Variants in NCOR1 observed in about 807,000 individuals in gnomAD.
The protein encoded by NCOR1 is nuclear receptor corepressor 1.
NCOR1 carries 63 observed loss-of-function variants against 288.1 expected under a neutral mutation model. The observed-to-expected ratio is 0.22, with a 90% CI of 0.18 to 0.27. The LOEUF (loss-of-function observed/expected upper bound fraction) is 0.27. Ranked by LOEUF, NCOR1 falls within the 10% of genes least tolerant of loss-of-function variation. The probability of loss-of-function intolerance (pLI) is 1.00; values close to 1 mark genes in which losing one functional copy is unlikely to be tolerated. For synonymous variants in NCOR1, 1,007 were observed against 1,065.9 expected (o/e 0.94, Z 1.08); for missense variants, 2,397 against 3,019.2 (o/e 0.79, Z 4.83).
At chr17:16,068,225 G>A in intron 31 of NCOR1, 104 bp from the exon 32 acceptor site, 1 of 925,886 alleles carries the variant, frequency 1.1e-6, no homozygotes, top group Non-Finnish European at 1.6e-6. Flanking sequence ...TCATGTATTT[G>A]GATCTTCTCT....
In NCOR1 at chr17:16,080,595, T is replaced by G; in HGVS notation, c.3298+12A>C. 2 of 1,614,136 alleles carry G rather than the reference T, an allele frequency of 1.2e-6. No individual in the cohort carries two copies. Among genetic ancestry groups the G allele is most frequent in the Non-Finnish European group, 1.7e-6 (2 of 1,180,000 alleles). ...AAACGTAGATGCATTATGACTGTAT[T>G]AACTCACTGACCTGATTTGGCAGAT... On this transcript the variant is annotated intron_variant, in intron 24 of 45. Transcript: ENST00000268712.
intron 2 of NCOR1, among the ~76,000 whole-genome samples, chr17:16,192,466 T>C (rs1457383207): frequency 6.6e-6 from 1 of 152,110 alleles, no homozygotes; most frequent in Non-Finnish European, 1.5e-5. Flanking sequence ...GACCAGCCTG[T>C]CCAACATGGT....
chr17:16,058,555 T>A lies in NCOR1; in HGVS notation c.5926A>T (p.Ile1976Leu), dbSNP rs778727736. ...GGCGCAGGTGAGCTGGCAGGACTTA[T>A]CACCTCAATAGCATCGCTAGGTGTT... is the stretch of plus-strand genomic sequence containing the variant. ...YETPSDAIEV[I>L]SPASSPAPPQ... Residue 1976 changes from isoleucine (I) to leucine (L), a missense_variant, in exon 38 of 46, where the codon ATA becomes TTA. Coordinates refer to ENST00000268712, the MANE Select transcript of NCOR1 (RefSeq NM_006311.4). The A allele has an allele frequency of 6.2e-7, 1 of 1,613,836 alleles. No individual in the cohort carries two copies. The highest frequency in any genetic ancestry group is 8.5e-7 in the Non-Finnish European group (1 of 1,179,770).
chr17:16,197,482 T>C (rs2090059268), intron 1 of NCOR1, among the ~76,000 whole-genome samples: 1 of 152,158 alleles, frequency 6.6e-6, no homozygotes, highest in Non-Finnish European at 1.5e-5. Flanking sequence ...AGCCTGTTTT[T>C]TCCCTGCTCC....
intron 9 of NCOR1, 112 bp from the exon 10 acceptor site, chr17:16,146,660 G>A (rs1229217420): frequency 7.2e-6 from 7 of 976,672 alleles, no homozygotes; most frequent in Non-Finnish European, 8.6e-6. Flanking sequence ...AGTACATTTG[G>A]CTTATGACTC....
At chr17:16,213,386 G>A (rs1176049081) in intron 1 of NCOR1, among the ~76,000 whole-genome samples, 1 of 151,080 alleles carries the variant, frequency 6.6e-6, no homozygotes, top group African/African-American at 2.4e-5. Flanking sequence ...CCAGCTACTC[G>A]GGAGGCTGAG....
chr17:16,187,698 G>T (rs1027103332), intron 2 of NCOR1, among the ~76,000 whole-genome samples: 4 of 151,834 alleles, frequency 2.6e-5, no homozygotes, highest in Non-Finnish European at 2.9e-5. Context: ...TGACCCCACA[G>T]ATTCAAGACT....
chr17:16,209,863 A>G (rs531837080), intron 1 of NCOR1, among the ~76,000 whole-genome samples: 2 of 152,028 alleles, frequency 1.3e-5, no homozygotes, highest in African/African-American at 4.8e-5. Context: ...GAGAACGAGA[A>G]TCACTTGAAC....
At chr17:16,143,501 C>G (rs942366675) in intron 11 of NCOR1, 105 bp downstream of exon 11, 25 of 820,352 alleles carry the variant, frequency 3.0e-5, no homozygotes, top group African/African-American at 2.1e-4. Flanking sequence ...AACTCTAGCA[C>G]TCAATTAAGT....
intron 1 of NCOR1, among the ~76,000 whole-genome samples, chr17:16,199,589 ATACTT>A (rs1386019476): frequency 6.6e-6 from 1 of 152,288 alleles, no homozygotes; most frequent in Admixed American, 6.5e-5. Context: ...CCTCGGCAGA[ATACTT>A]TACATTTGAA....
At chr17:16,195,766 CATAA>C (rs2089643931) in intron 1 of NCOR1, among the ~76,000 whole-genome samples, 4 of 152,220 alleles carry the variant, frequency 2.6e-5, no homozygotes, top group Admixed American at 2.6e-4. Context: ...GATGAGAACA[CATAA>C]ATACTGAATT....
rs1486366868 is a variant in NCOR1, at chr17:16,146,387, T to G, written c.1071A>C (p.Glu357Asp). 6.2e-7 allele frequency: 1 copy of G among 1,603,834 alleles called. No homozygotes were observed. Among genetic ancestry groups the G allele is most frequent in the Non-Finnish European group, 8.5e-7 (1 of 1,177,316 alleles). The change falls in exon 10 of 46, where the codon GAA (glutamate) becomes GAC (aspartate). Residue 357 changes from glutamate (E) to aspartate (D), a missense_variant. Physicochemically the swap from Glu to Asp is conservative, Grantham distance 45. Transcript: ENST00000268712. ...ATCAAACTACTCACCGCTGAAATCT[T>G]TCTTGCTGTTCTCTTTGTTTTCGAA... The part of the protein sequence containing the change: ...PEIRKQREQQ[E>D]RFQRVGQRGA...
chr17:16,094,631 G>A (rs913480096), intron 21 of NCOR1, among the ~76,000 whole-genome samples: 3 of 151,998 alleles, frequency 2.0e-5, no homozygotes, highest in Non-Finnish European at 4.4e-5. Flanking sequence ...GCTGGACTGT[G>A]CCGCTGCCAT....
At chr17:16,044,642 G>T in intron 42 of NCOR1, 1 of 637,616 alleles carries the variant, frequency 1.6e-6, no homozygotes. Flanking sequence ...CTCCGAGCTC[G>T]CCTGCATCTA....
intron 3 of NCOR1, among the ~76,000 whole-genome samples, chr17:16,183,096 T>C (rs904835469): frequency 1.3e-5 from 2 of 151,650 alleles, no homozygotes; most frequent in Admixed American, 6.6e-5. Context: ...AGGGAAATAC[T>C]GAAAGATTTT....
chr17:16,101,132 G>A (rs551991208), intron 20 of NCOR1, 118 bp downstream of exon 20: 7 of 988,940 alleles, frequency 7.1e-6, no homozygotes, highest in Non-Finnish European at 1.0e-5. Context: ...AAATTGTACA[G>A]ACTACCTATA....
At chr17:16,177,750 T>C (rs1457426328) in intron 3 of NCOR1, among the ~76,000 whole-genome samples, 3 of 152,190 alleles carry the variant, frequency 2.0e-5, no homozygotes, top group East Asian at 1.9e-4. Context: ...CCAACTGTCC[T>C]TTCTGCAGCT....
At chr17:16,210,306 C>A (rs2091996947) in intron 1 of NCOR1, among the ~76,000 whole-genome samples, 1 of 152,132 alleles carries the variant, frequency 6.6e-6, no homozygotes, top group Non-Finnish European at 1.5e-5. Context: ...ATTGCTTGAA[C>A]CCAGGAGGCA....
intron 14 of NCOR1, among the ~76,000 whole-genome samples, chr17:16,135,410 C>T (rs966006904): frequency 9.2e-5 from 14 of 152,104 alleles, no homozygotes; most frequent in African/African-American, 2.7e-4. Flanking sequence ...CTTTGTCTTA[C>T]GGTACTGCAC....
Sources: allele counts gnomAD v4.1 joint callset (sites outside exome capture counted in the v4.1 genomes callset), GRCh38; gene constraint gnomAD v4.1.1; transcripts MANE v1.5; gene names NCBI Gene and HGNC (gene_info 2026-07-23, HGNC 2026-07-21).